The following NLRC3 variants were observed in gnomAD, a reference collection of about 807,000 sequenced individuals.
NLRC3 encodes NLR family CARD domain containing 3, also known as NLR family CARD domain-containing protein 3.
Under a neutral mutation model 91.6 loss-of-function variants are expected in NLRC3, and 87 were observed. The ratio of observed to expected loss-of-function variants is 0.95; its 90% CI spans 0.80 to 1.14. The LOEUF (loss-of-function observed/expected upper bound fraction) is 1.14, where lower values mean the gene tolerates loss of function less well. Ranked by LOEUF, NLRC3 falls within the 50% of genes most tolerant of loss-of-function variation. NLRC3 has a pLI of 0.00. For missense variants in NLRC3, 1,577 were observed against 1,418.6 expected, an observed-to-expected ratio of 1.11 and a Z score of -1.79; for synonymous variants, 694 against 625.3, an observed-to-expected ratio of 1.11 and a Z score of -1.64.
chr16:3,560,657 T>C (rs1015448198), intron 6 of NLRC3, among the ~76,000 whole-genome samples: 13 of 152,170 alleles, frequency 8.5e-5, no homozygotes, highest in African/African-American at 2.7e-4. Context: ...GTTTTGTTCT[T>C]TTTTGAGACG....
intron 8 of NLRC3, among the ~76,000 whole-genome samples, chr16:3,554,673 G>A (rs531716913): frequency 6.6e-6 from 1 of 152,332 alleles, no homozygotes; most frequent in East Asian, 1.9e-4. Context: ...TGGTGGGAAT[G>A]CAAAATGGTC....
chr16:3,547,695 G>A (rs951181078), intron 15 of NLRC3, among the ~76,000 whole-genome samples: 2 of 151,276 alleles, frequency 1.3e-5, no homozygotes, highest in East Asian at 1.9e-4. Flanking sequence ...TTTTAACAGG[G>A]TCTCACTCTG....
chr16:3,549,448 A>G (rs777239133), intron 12 of NLRC3, among the ~76,000 whole-genome samples: 2 of 152,202 alleles, frequency 1.3e-5, no homozygotes, highest in Non-Finnish European at 2.9e-5. Flanking sequence ...GGGAGAGGAC[A>G]GGATGACAGG....
rs760049092 is a variant in NLRC3, at chr16:3,543,541, G to A, written c.2856-33C>T. ...GGAGAGGGTGCCGTCAGTGTGAGCC[G>A]GCTGGGCCCACCTCCCTCCGCATAC... On this transcript the variant is annotated intron_variant, in intron 16 of 19. Coordinates refer to ENST00000359128, the MANE Select transcript of NLRC3 (RefSeq NM_178844.4). 40 of 1,512,080 alleles carry A rather than the reference G, an allele frequency of 2.6e-5. No individual in the cohort carries two copies. In the Admixed American group the frequency reaches 2.7e-4, roughly 10 times the overall value. 93.7% of individuals were successfully genotyped at this position (1,512,080 alleles called of 1,614,324 possible).
chr16:3,557,992 A>G (rs2039428660), intron 6 of NLRC3, among the ~76,000 whole-genome samples: 1 of 152,236 alleles, frequency 6.6e-6, no homozygotes, highest in South Asian at 2.1e-4. Flanking sequence ...GAAGCCTAAC[A>G]TGCAGATGGC....
intron 9 of NLRC3, among the ~76,000 whole-genome samples, chr16:3,553,802 C>T (rs2039144296): frequency 6.6e-6 from 1 of 151,200 alleles, no homozygotes; most frequent in Admixed American, 6.6e-5. Flanking sequence ...AGTGCAATGG[C>T]ACGATCTCAG....
chr16:3,548,096 A>G, intron 15 of NLRC3, 39 bp downstream of exon 15: 1 of 1,421,068 alleles, frequency 7.0e-7, no homozygotes, highest in Non-Finnish European at 9.7e-7. Flanking sequence ...CCTGTCCTCA[A>G]CAGCCCCCGC....
chr16:3,574,079 G>A (rs904587176), intron 1 of NLRC3, among the ~76,000 whole-genome samples: 3 of 129,740 alleles, frequency 2.3e-5, no homozygotes, highest in African/African-American at 3.0e-5. Flanking sequence ...CTGGAGTGTC[G>A]TGGCACTATC....
rs992468645 is a variant in NLRC3, at chr16:3,543,738, C to T, written c.2856-230G>A. The stretch of plus-strand genomic sequence containing the variant: ...GAAATAGAGGCTGTCCCTGGAAGGG[C>T]TCGGGGAGAATGCTCCCTGTACCTC... On this transcript the variant is annotated intron_variant, in intron 16 of 19. Transcript: ENST00000359128. 21 of 556,716 alleles carry T rather than the reference C, an allele frequency of 3.8e-5. 1 individual carries two copies. The South Asian group carries it at 3.9e-4, about 10-fold the overall frequency. 34.5% of individuals were successfully genotyped at this position (556,716 alleles called of 1,614,324 possible).
chr16:3,546,443 G>C (rs963467274), intron 15 of NLRC3, among the ~76,000 whole-genome samples: 6 of 151,280 alleles, frequency 4.0e-5, no homozygotes, highest in Non-Finnish European at 8.8e-5. Context: ...TGTAATCCCA[G>C]CTACTCGGGA....
intron 14 of NLRC3, among the ~76,000 whole-genome samples, 190 bp from the exon 15 acceptor site, chr16:3,548,408 G>A (rs1032879505): frequency 4.6e-5 from 7 of 152,240 alleles, no homozygotes; most frequent in African/African-American, 1.4e-4. Context: ...CCAGAGGGCC[G>A]GGGAATAAGC....
chr16:3,555,130 TGA>T, intron 8 of NLRC3, among the ~76,000 whole-genome samples: 1 of 149,396 alleles, frequency 6.7e-6, no homozygotes, highest in Non-Finnish European at 1.5e-5. Context: ...CTCGGGAGGC[TGA>T]GACAGGAGAA....
At chr16:3,550,621 GCA>G (rs973366278) in intron 10 of NLRC3, 124 bp from the exon 11 acceptor site, 13 of 684,894 alleles carry the variant, frequency 1.9e-5, no homozygotes, top group African/African-American at 1.6e-4. Context: ...GGTGGCCAGT[GCA>G]CAGTTTGTTC....
intron 1 of NLRC3, among the ~76,000 whole-genome samples, chr16:3,572,438 C>T (rs1247972887): frequency 6.6e-6 from 1 of 152,086 alleles, no homozygotes; most frequent in Non-Finnish European, 1.5e-5. Context: ...CAGGCGCATG[C>T]TACCACATCC....
chr16:3,554,350 C>T (rs886103234), intron 8 of NLRC3, 25 bp from the exon 9 acceptor site: 1 of 1,575,238 alleles, frequency 6.3e-7, no homozygotes, highest in African/African-American at 1.3e-5. Context: ...AGAGGCTCAT[C>T]ACTGATGGAG....
chr16:3,543,644 T>C (rs1299615351), intron 16 of NLRC3, 136 bp from the exon 17 acceptor site: 7 of 655,828 alleles, frequency 1.1e-5, no homozygotes, highest in Non-Finnish European at 1.9e-5. Flanking sequence ...CAGCGCTGTG[T>C]CTAGGCACTC....
intron 2 of NLRC3, among the ~76,000 whole-genome samples, chr16:3,566,777 G>C (rs1212606418): frequency 6.6e-6 from 1 of 151,824 alleles, no homozygotes; most frequent in Non-Finnish European, 1.5e-5. Context: ...TGTAATCCCA[G>C]CTACTCAGGA....
At chr16:3,552,353 C>G in intron 9 of NLRC3, 74 bp from the exon 10 acceptor site, 1 of 1,071,588 alleles carries the variant, frequency 9.3e-7, no homozygotes, top group Non-Finnish European at 1.4e-6. Flanking sequence ...GGTTCAGGTT[C>G]AAGGTCAGGG....
rs1319796459 is a variant in NLRC3, at chr16:3,563,981, T to G, written c.956A>C (p.Asp319Ala). ...LGWMLSQVQA[D>A]RALYLMCTVP... is the part of the protein sequence containing the mutation. ...GGTGCACATCAGGTACAGGGCCCTGTCAGCCTGCACTTGGCTCAGCATCCA... is the reference window on the plus strand; with the variant it reads ...GGTGCACATCAGGTACAGGGCCCTGGCAGCCTGCACTTGGCTCAGCATCCA... The change falls in exon 5 of 20, where the codon GAC becomes GCC. Residue 319 changes from aspartate (D) to alanine (A), a missense_variant. By Grantham distance (126) the Asp-to-Ala change is moderately radical. Transcript: ENST00000359128. 6.2e-7 allele frequency: 1 copy of G among 1,605,434 alleles called. No individual in the cohort carries two copies. The highest frequency in any genetic ancestry group is 2.2e-5 in the East Asian group (1 of 44,888).
Sources: gnomAD v4.1 joint callset for allele counts (sites outside exome capture counted in the v4.1 genomes callset) on GRCh38, gnomAD v4.1.1 for gene constraint, MANE v1.5 for transcripts, NCBI Gene and HGNC (gene_info 2026-07-23, HGNC 2026-07-21) for gene names.